The following CYYR1 variants were observed in gnomAD, a reference collection of about 807,000 sequenced individuals.
The protein encoded by CYYR1 is cysteine and tyrosine-rich protein 1.
A neutral mutation model predicts 15.2 loss-of-function variants in CYYR1; 14 were observed. That is an observed-to-expected ratio of 0.92 (90% CI 0.61 to 1.44). CYYR1 has a LOEUF of 1.44. CYYR1 is among the 40% of genes most tolerant of loss of function. The pLI is 0.00. For synonymous variants in CYYR1, 80 were observed against 77.4 expected, an observed-to-expected ratio of 1.03 and a Z score of -0.18; for missense variants, 228 against 209.5, an observed-to-expected ratio of 1.09 and a Z score of -0.54.
Position 26,488,960 on chromosome 21 carries a change from G to A in CYYR1, c.177-8531C>T, listed in dbSNP as rs571546763. Among the ~76,000 whole-genome samples, 4 of 152,286 alleles carry A rather than the reference G, an allele frequency of 2.6e-5. No homozygotes were observed. In the South Asian group the frequency reaches 8.3e-4, roughly 32 times the overall value. On this transcript the variant is annotated intron_variant, in intron 2 of 3. Transcript: ENST00000652641. ...AGTTTGAGTGTGAATGTATGTGTGT[G>A]TGATATGCTACCCAACCTAATCTTA...
intron 2 of CYYR1, among the ~76,000 whole-genome samples, chr21:26,541,763 G>A (rs1392593097): frequency 6.6e-6 from 1 of 152,126 alleles, no homozygotes; most frequent in Non-Finnish European, 1.5e-5. Context: ...AATTATAGGA[G>A]GTAAAAGACC....
At chr21:26,495,384 C>T (rs1420961800) in intron 2 of CYYR1, among the ~76,000 whole-genome samples, 2 of 152,158 alleles carry the variant, frequency 1.3e-5, no homozygotes, top group Admixed American at 6.5e-5. Context: ...TCCCAGCTTC[C>T]CACGCGTCTC....
chr21:26,469,319 A>C (rs219644), intron 3 of CYYR1, among the ~76,000 whole-genome samples: 34,884 of 151,872 alleles, frequency 0.23, 5,876 homozygotes, highest in African/African-American at 0.46. Flanking sequence ...CTATAATTGG[A>C]GGGGGGTGGA....
At chr21:26,482,368 G>A (rs1453396821) in intron 2 of CYYR1, 1 of 985,060 alleles carries the variant, frequency 1.0e-6, no homozygotes, top group African/African-American at 1.7e-5. Flanking sequence ...ATTATCAGTA[G>A]CTTTTTCATA....
intron 2 of CYYR1, among the ~76,000 whole-genome samples, chr21:26,549,528 T>C (rs192047067): frequency 2.0e-5 from 3 of 152,292 alleles, no homozygotes; most frequent in Non-Finnish European, 4.4e-5. Context: ...ATCAACCTTC[T>C]TAATTTTCTA....
intron 2 of CYYR1, among the ~76,000 whole-genome samples, chr21:26,557,131 G>A (rs1353340612): frequency 1.3e-5 from 2 of 152,082 alleles, no homozygotes; most frequent in Non-Finnish European, 2.9e-5. Flanking sequence ...TAATACATAG[G>A]TCACAAGGAC....
At chr21:26,503,525 A>T (rs1236426549) in intron 2 of CYYR1, 1 of 152,206 alleles carries the variant, frequency 6.6e-6, no homozygotes, top group African/African-American at 2.4e-5. Context: ...TATGTGTGTG[A>T]AATTCTTCCC....
At chr21:26,566,023 G>T (rs139254719) in intron 2 of CYYR1, among the ~76,000 whole-genome samples, 358 of 152,172 alleles carry the variant, frequency 2.4e-3, no homozygotes, top group Non-Finnish European at 4.1e-3. Flanking sequence ...AACAATAAAA[G>T]AATAACTCTT....
chr21:26,570,390 G>A (rs963310351), intron 1 of CYYR1, among the ~76,000 whole-genome samples: 1 of 152,196 alleles, frequency 6.6e-6, no homozygotes, highest in African/African-American at 2.4e-5. Flanking sequence ...CACTTGCTTA[G>A]AAATGGCCCT....
intron 2 of CYYR1, among the ~76,000 whole-genome samples, chr21:26,487,848 A>G (rs1231732049): frequency 6.6e-6 from 1 of 151,814 alleles, no homozygotes; most frequent in Non-Finnish European, 1.5e-5. Context: ...TACTACTCCA[A>G]GTGTAAAATG....
At chr21:26,537,924 G>C (rs1366672469) in intron 2 of CYYR1, among the ~76,000 whole-genome samples, 1 of 152,172 alleles carries the variant, frequency 6.6e-6, no homozygotes, top group Non-Finnish European at 1.5e-5. Flanking sequence ...CCAGATAGCA[G>C]ATATGCCCAT....
chr21:26,477,645 A>G (rs2065121515), intron 3 of CYYR1: 1 of 735,160 alleles, frequency 1.4e-6, no homozygotes, highest in African/African-American at 1.9e-5. Flanking sequence ...AATATTGAAC[A>G]TTTTATAAAA....
At chr21:26,556,463 C>T (rs1979788673) in intron 2 of CYYR1, among the ~76,000 whole-genome samples, 1 of 152,124 alleles carries the variant, frequency 6.6e-6, no homozygotes, top group South Asian at 2.1e-4. Context: ...GTGTATTAGT[C>T]TGTCTTCACA....
chr21:26,561,354 C>T (rs909249922), intron 2 of CYYR1, among the ~76,000 whole-genome samples: 36 of 149,914 alleles, frequency 2.4e-4, no homozygotes, highest in African/African-American at 7.1e-4. Context: ...TTTTTAAATG[C>T]GTTACGTTTG....
chr21:26,566,910 G>A (rs1980666239), intron 1 of CYYR1, among the ~76,000 whole-genome samples: 1 of 151,626 alleles, frequency 6.6e-6, no homozygotes, highest in Non-Finnish European at 1.5e-5. Flanking sequence ...TCAGGAGGCT[G>A]AGGCAGGAGA....
chr21:26,558,266 A>T (rs1052091392), intron 2 of CYYR1, among the ~76,000 whole-genome samples: 3 of 152,196 alleles, frequency 2.0e-5, no homozygotes, highest in Non-Finnish European at 4.4e-5. Context: ...TTTCAAACAT[A>T]TAAGAATCAT....
chr21:26,572,582 C>G (rs1354204596), intron 1 of CYYR1, among the ~76,000 whole-genome samples: 1 of 152,190 alleles, frequency 6.6e-6, no homozygotes, highest in Admixed American at 6.5e-5. Flanking sequence ...ATAGTTTACT[C>G]TATCCAGAGA....
At chr21:26,570,396 GC>G (rs751591453) in intron 1 of CYYR1, among the ~76,000 whole-genome samples, 6 of 152,144 alleles carry the variant, frequency 3.9e-5, no homozygotes, top group Non-Finnish European at 7.3e-5. Context: ...CTTAGAAATG[GC>G]CCTTGCAAGC....
At position 26,549,690 on chromosome 21, in the gene CYYR1, C is replaced by T. The variant is rs113436034; in HGVS notation, c.176+16576G>A. 5.9e-5 allele frequency among the ~76,000 whole-genome samples: 9 copies of T among 152,142 alleles called. 1 individual carries two copies. The highest frequency in any genetic ancestry group is 4.1e-4 in the South Asian group (2 of 4,828). ...GCCAGATCCTCAAAGATCTCAAATC[C>T]GAATTGAGGTGTTTATACATGTACG... On this transcript the variant is annotated intron_variant, in intron 2 of 3. Coordinates refer to ENST00000652641, the MANE Select transcript of CYYR1 (RefSeq NM_001320768.2).
Sources: gnomAD v4.1 joint callset for allele counts (sites outside exome capture counted in the v4.1 genomes callset) on GRCh38, gnomAD v4.1.1 for gene constraint, MANE v1.5 for transcripts, NCBI Gene and HGNC (gene_info 2026-07-23, HGNC 2026-07-21) for gene names.